The following FAXC variants were observed in gnomAD, a reference collection of about 807,000 sequenced individuals.
FAXC encodes the protein failed axon connections homolog, metaxin like GST domain containing, also known as failed axon connections homolog.
A neutral mutation model predicts 41.9 loss-of-function variants in FAXC; 10 were observed. The observed-to-expected ratio is 0.24, with a 90% CI of 0.15 to 0.41. The LOEUF (loss-of-function observed/expected upper bound fraction) is 0.41. Among genes scored for constraint, FAXC ranks in the 10% least tolerant of loss-of-function variants. The probability of loss-of-function intolerance (pLI) is 1.00; values close to 1 mark genes in which losing one functional copy is unlikely to be tolerated. For synonymous variants in FAXC, 183 were observed against 183.8 expected (o/e 1.00, Z 0.03); for missense variants, 399 against 510.9 (o/e 0.78, Z 2.11).
chr6:99,298,694 C>T (rs1044593076), intron 4 of FAXC, among the ~76,000 whole-genome samples: 7 of 152,102 alleles, frequency 4.6e-5, no homozygotes, highest in African/African-American at 1.7e-4. Flanking sequence ...GTTATGATAG[C>T]CTTAATTATG....
Position 99,323,468 on chromosome 6 carries a change from T to C in FAXC, c.799A>G (p.Met267Val), listed in dbSNP as rs761079213. The C allele has an allele frequency of 4.3e-6, 7 of 1,614,130 alleles. No individual in the cohort carries two copies. The highest frequency in any genetic ancestry group is 5.9e-6 in the Non-Finnish European group (7 of 1,180,036). Residue 267 changes from methionine (M) to valine (V), a missense_variant, in exon 4 of 6, where the codon ATG becomes GTG. Physicochemically the swap from Met to Val is conservative, Grantham distance 21 (BLOSUM62 1). Around this residue, in one of 3 missense-constraint regions of FAXC, gnomAD observed 239 missense variants for 352.7 expected, o/e 0.68. Coordinates refer to ENST00000389677, the MANE Select transcript of FAXC (RefSeq NM_032511.4). ...CCCAAAAGCCCTGCTAAAGACCGCA[T>C]GTCCTTCTCCATCAGCATGTAAATC... The part of the protein sequence containing the change: ...EEIYMLMEKD[M>V]RSLAGLLGDK...
intron 4 of FAXC, among the ~76,000 whole-genome samples, chr6:99,297,481 T>C (rs968936001): frequency 7.9e-5 from 12 of 152,064 alleles, no homozygotes; most frequent in African/African-American, 2.7e-4. Flanking sequence ...CTGAACTTGA[T>C]GAGCAAGGGA....
chr6:99,288,859 T>TACACATACACACACACACACACACACAC (rs1771122287), intron 5 of FAXC, among the ~76,000 whole-genome samples: 6 of 145,736 alleles, frequency 4.1e-5, no homozygotes, highest in African/African-American at 1.3e-4. Context: ...CACACACACA[T>TACACATACACACACACACACACACACAC]ACACACACAC....
At chr6:99,338,500 G>A (rs1374252726) in intron 2 of FAXC, among the ~76,000 whole-genome samples, 4 of 152,168 alleles carry the variant, frequency 2.6e-5, no homozygotes, top group Admixed American at 1.3e-4. Flanking sequence ...CACCACAAAC[G>A]ACAGGATTAT....
chr6:99,348,802 T>C (rs189763127), intron 1 of FAXC, among the ~76,000 whole-genome samples: 5 of 152,334 alleles, frequency 3.3e-5, no homozygotes, highest in Admixed American at 3.3e-4. Flanking sequence ...CCCAATTCTA[T>C]TGTTGCAAAC....
intron 4 of FAXC, among the ~76,000 whole-genome samples, chr6:99,306,509 A>T (rs771131036): frequency 2.6e-5 from 4 of 152,132 alleles, no homozygotes; most frequent in Admixed American, 2.6e-4. Flanking sequence ...TCTAGAAAAC[A>T]GCTGGGATAA....
rs1402520171 is a variant in FAXC, at chr6:99,332,004, C to T, written c.599+1347G>A. On this transcript the variant is annotated intron_variant, in intron 3 of 5. Coordinates refer to ENST00000389677, the MANE Select transcript of FAXC (RefSeq NM_032511.4). The stretch of plus-strand genomic sequence containing the variant: ...AAATACCTGGTTCATTCCATGAACA[C>T]TGAGTCTGATTACTTCCACACTAAT... 3.3e-5 allele frequency among the ~76,000 whole-genome samples: 5 copies of T among 152,186 alleles called. No individual in the cohort carries two copies. In the South Asian group the frequency reaches 1.0e-3, roughly 31 times the overall value.
chr6:99,321,265 T>A (rs1772578261), intron 4 of FAXC, among the ~76,000 whole-genome samples: 1 of 152,206 alleles, frequency 6.6e-6, no homozygotes, highest in Non-Finnish European at 1.5e-5. Flanking sequence ...TGTATCCTGA[T>A]GAGTCAGATA....
rs558814225 is a variant in FAXC, at chr6:99,294,612, A to G, written c.824-2792T>C. On this transcript the variant is annotated intron_variant, in intron 4 of 5. Coordinates refer to ENST00000389677, the MANE Select transcript of FAXC (RefSeq NM_032511.4). ...TTTTTTTAAGAGCAACAATGGCTTC[A>G]TGGTCAAAAAAAGAGGGGGAGGGGG... Among the ~76,000 whole-genome samples, 3 of 152,192 alleles carry G rather than the reference A, an allele frequency of 2.0e-5. 1 individual carries two copies. The South Asian group carries it at 6.2e-4, about 32-fold the overall frequency.
chr6:99,298,065 A>G (rs1341481768), intron 4 of FAXC, among the ~76,000 whole-genome samples: 2 of 152,080 alleles, frequency 1.3e-5, no homozygotes, highest in African/African-American at 4.8e-5. Flanking sequence ...GGGTTTCTCA[A>G]ACTTTAGAGG....
intron 4 of FAXC, among the ~76,000 whole-genome samples, chr6:99,320,797 T>A (rs1376295220): frequency 1.3e-5 from 2 of 152,222 alleles, no homozygotes; most frequent in Non-Finnish European, 2.9e-5. Context: ...GGACAACTCT[T>A]TTCTTTCTTG....
intron 2 of FAXC, among the ~76,000 whole-genome samples, chr6:99,336,921 T>C (rs1773238733): frequency 6.6e-6 from 1 of 152,224 alleles, no homozygotes; most frequent in South Asian, 2.1e-4. Flanking sequence ...TTACATTCAC[T>C]CTGCCCAGGA....
intron 5 of FAXC, among the ~76,000 whole-genome samples, chr6:99,286,010 C>CG (rs1161451027): frequency 6.6e-6 from 1 of 152,164 alleles, no homozygotes; most frequent in Non-Finnish European, 1.5e-5. Flanking sequence ...GCCAATGTCT[C>CG]GCAGCAGCAC....
At chr6:99,341,269 T>C (rs372779251) in intron 2 of FAXC, among the ~76,000 whole-genome samples, 4 of 152,112 alleles carry the variant, frequency 2.6e-5, no homozygotes, top group South Asian at 2.1e-4. Context: ...TTAAATAAGA[T>C]ATTAGAAATA....
chr6:99,324,507 C>A (rs1181397620), intron 3 of FAXC, among the ~76,000 whole-genome samples: 2 of 152,192 alleles, frequency 1.3e-5, no homozygotes, highest in African/African-American at 4.8e-5. Flanking sequence ...CTAAAGGGAA[C>A]ACAACTGCCA....
At chr6:99,326,926 G>A (rs1434292984) in intron 3 of FAXC, among the ~76,000 whole-genome samples, 1 of 152,180 alleles carries the variant, frequency 6.6e-6, no homozygotes, top group Non-Finnish European at 1.5e-5. Context: ...GAAGGGAGAG[G>A]CAGCTGTTCT....
At position 99,281,073 on chromosome 6, in the gene FAXC, C is replaced by T. The variant is rs1770811730; in HGVS notation, c.*91G>A. On this transcript the variant is annotated 3_prime_UTR_variant, in exon 6 of 6. Coordinates refer to ENST00000389677, the MANE Select transcript of FAXC (RefSeq NM_032511.4). Reference sequence around the variant, plus strand: ...TGAAAACTCTGCCAAGCACGAAGATCTCCTCCCAGCTCGGATGGATTGCTA... The same window carrying T: ...TGAAAACTCTGCCAAGCACGAAGATTTCCTCCCAGCTCGGATGGATTGCTA... 1.4e-6 allele frequency: 1 copy of T among 719,514 alleles called. No individual in the cohort carries two copies. The highest frequency in any genetic ancestry group is 1.7e-5 in the African/African-American group (1 of 57,256). The allele number at this position is 719,514 out of a possible 1,614,324, so 44.6% of individuals were successfully genotyped here.
At chr6:99,304,252 C>T (rs991470900) in intron 4 of FAXC, among the ~76,000 whole-genome samples, 1 of 151,948 alleles carries the variant, frequency 6.6e-6, no homozygotes, top group Non-Finnish European at 1.5e-5. Context: ...CACCATTGCA[C>T]TCCAGCCTGG....
chr6:99,287,516 C>T (rs12211828), intron 5 of FAXC, among the ~76,000 whole-genome samples: 7,028 of 152,150 alleles, frequency 0.046, 198 homozygotes, highest in Non-Finnish European at 0.06. Flanking sequence ...TGAAGGAAAA[C>T]TTCATACTAT....
Sources: gnomAD v4.1 joint callset for allele counts (sites outside exome capture counted in the v4.1 genomes callset) on GRCh38, gnomAD v4.1.1 for gene constraint, gnomAD v4.1.1 regional missense constraint, MANE v1.5 for transcripts, NCBI Gene and HGNC (gene_info 2026-07-23, HGNC 2026-07-21) for gene names.